Variants in NARS2 observed in about 807,000 individuals in gnomAD.
NARS2 encodes asparaginyl-tRNA synthetase 2, mitochondrial.
A neutral mutation model predicts 62.9 loss-of-function variants in NARS2; 60 were observed. That is an observed-to-expected ratio of 0.95 (90% confidence interval 0.77 to 1.18). The LOEUF (loss-of-function observed/expected upper bound fraction) is 1.18. NARS2 is among the 50% of genes most tolerant of loss of function. NARS2 has a pLI of 0.00. For missense variants in NARS2, 619 were observed against 576.4 expected, an observed-to-expected ratio of 1.07 and a Z score of -0.76; for synonymous variants, 196 against 200.0, an observed-to-expected ratio of 0.98 and a Z score of 0.17.
intron 11 of NARS2, among the ~76,000 whole-genome samples, chr11:78,449,994 T>G (rs754185197): frequency 6.6e-5 from 10 of 152,356 alleles, no homozygotes; most frequent in Middle Eastern, 3.4e-3. Context: ...AAAAAGATCA[T>G]GTATGACTAT....
intron 5 of NARS2, among the ~76,000 whole-genome samples, chr11:78,554,557 C>T (rs1198635735): frequency 7.9e-6 from 1 of 126,704 alleles, no homozygotes; most frequent in Non-Finnish European, 1.8e-5. Context: ...TGACTTTCTG[C>T]TTTGGCTCTC....
At chr11:78,515,306 A>G (rs1366831168) in intron 6 of NARS2, among the ~76,000 whole-genome samples, 1 of 152,152 alleles carries the variant, frequency 6.6e-6, no homozygotes, top group Non-Finnish European at 1.5e-5. Context: ...TCTCAGCATC[A>G]GCATCACCTG....
At chr11:78,496,904 T>G (rs1860081557) in intron 6 of NARS2, among the ~76,000 whole-genome samples, 1 of 151,490 alleles carries the variant, frequency 6.6e-6, no homozygotes, top group African/African-American at 2.4e-5. Context: ...TTAATTTATG[T>G]TTCTTTCTTT....
chr11:78,557,814 TATA>T (rs1290132870), intron 5 of NARS2, among the ~76,000 whole-genome samples: 1 of 147,542 alleles, frequency 6.8e-6, no homozygotes, highest in African/African-American at 2.5e-5. Flanking sequence ...ATATATATCT[TATA>T]TTATATATAT....
chr11:78,471,264 T>C (rs1398147918), intron 9 of NARS2, among the ~76,000 whole-genome samples: 2 of 152,274 alleles, frequency 1.3e-5, no homozygotes, highest in East Asian at 1.9e-4. Flanking sequence ...TGTAAGTAAA[T>C]AGTAAATCTT....
chr11:78,527,615 G>A (rs1361843264), intron 6 of NARS2, among the ~76,000 whole-genome samples: 1 of 152,146 alleles, frequency 6.6e-6, no homozygotes, highest in Non-Finnish European at 1.5e-5. Context: ...AAGTAAATAT[G>A]CAAACTATTC....
intron 5 of NARS2, among the ~76,000 whole-genome samples, chr11:78,553,829 T>C (rs1005362087): frequency 6.6e-6 from 1 of 152,154 alleles, no homozygotes; most frequent in Non-Finnish European, 1.5e-5. Context: ...TCTGCCAGGA[T>C]GGTATTGCCT....
intron 6 of NARS2, among the ~76,000 whole-genome samples, chr11:78,516,313 T>C (rs1860909434): frequency 6.6e-6 from 1 of 152,248 alleles, no homozygotes; most frequent in Non-Finnish European, 1.5e-5. Context: ...ACTGGATTTC[T>C]GTTTGTCCAA....
At chr11:78,521,275 T>C (rs1238607281) in intron 6 of NARS2, among the ~76,000 whole-genome samples, 1 of 151,854 alleles carries the variant, frequency 6.6e-6, no homozygotes, top group African/African-American at 2.4e-5. Context: ...AGCAATCTTC[T>C]TGCCTTACTC....
chr11:78,560,697 C>CACA lies in NARS2; in HGVS notation c.514-1079_514-1078insTGT, dbSNP rs1856528744. ...ACAAAGTATTCAGTCAACAACTTGC[C>CACA]TTATGATGTGGACTGATTAAATATT... is the stretch of plus-strand genomic sequence containing the variant. On this transcript the variant is annotated intron_variant, in intron 4 of 13. Coordinates refer to ENST00000281038, the MANE Select transcript of NARS2 (RefSeq NM_024678.6). Among the ~76,000 whole-genome samples, 9 of 152,264 alleles carry CACA rather than the reference C, an allele frequency of 5.9e-5. No individual in the cohort carries two copies. In the South Asian group the frequency reaches 1.9e-3, roughly 32 times the overall value.
rs1195663112 is a variant in NARS2, at chr11:78,481,868, T to C, written c.823-3185A>G. Reference sequence around the variant, plus strand: ...TTACTTTTGGGGACAGCACACTTTTTTCTAGTCTTCAGGAAAAAAGTGTAT... The same window carrying C: ...TTACTTTTGGGGACAGCACACTTTTCTCTAGTCTTCAGGAAAAAAGTGTAT... On this transcript the variant is annotated intron_variant, in intron 7 of 13. Transcript: ENST00000281038. Among the ~76,000 whole-genome samples, 3 of 152,206 alleles carry C rather than the reference T, an allele frequency of 2.0e-5. No individual in the cohort carries two copies. The South Asian group carries it at 6.2e-4, about 32-fold the overall frequency.
At chr11:78,510,596 C>T (rs1004702933) in intron 6 of NARS2, among the ~76,000 whole-genome samples, 6 of 151,950 alleles carry the variant, frequency 3.9e-5, no homozygotes, top group African/African-American at 1.4e-4. Flanking sequence ...ACAATAAAAC[C>T]AGATCTAACA....
intron 9 of NARS2, among the ~76,000 whole-genome samples, chr11:78,470,164 A>C (rs558882135): frequency 6.6e-6 from 1 of 152,344 alleles, no homozygotes; most frequent in East Asian, 1.9e-4. Flanking sequence ...TTCAGGTCAT[A>C]GTAAGGGCCT....
At chr11:78,515,700 C>A (rs1002515956) in intron 6 of NARS2, among the ~76,000 whole-genome samples, 130 of 150,262 alleles carry the variant, frequency 8.7e-4, no homozygotes, top group Admixed American at 5.2e-3. Flanking sequence ...AAAAAAAAAA[C>A]AAAACAATTT....
At chr11:78,564,455 T>C (rs1856671548) in intron 4 of NARS2, among the ~76,000 whole-genome samples, 1 of 152,200 alleles carries the variant, frequency 6.6e-6, no homozygotes, top group African/African-American at 2.4e-5. Flanking sequence ...CCTCCCCAAG[T>C]GCTGGGATTA....
intron 7 of NARS2, among the ~76,000 whole-genome samples, chr11:78,491,305 C>G (rs561331348): frequency 6.6e-6 from 1 of 152,288 alleles, no homozygotes; most frequent in South Asian, 2.1e-4. Context: ...TAGGGATAAC[C>G]AAAAATGTCC....
intron 3 of NARS2, among the ~76,000 whole-genome samples, chr11:78,567,903 G>T (rs1459055537): frequency 1.3e-5 from 2 of 152,110 alleles, no homozygotes; most frequent in Non-Finnish European, 2.9e-5. Flanking sequence ...ATAATGTTAA[G>T]CAAATCACTT....
At chr11:78,456,955 G>A (rs2135181471) in intron 11 of NARS2, among the ~76,000 whole-genome samples, 1 of 152,292 alleles carries the variant, frequency 6.6e-6, no homozygotes, top group South Asian at 2.1e-4. Context: ...TGCATATGAA[G>A]AAAAACTTAG....
intron 11 of NARS2, among the ~76,000 whole-genome samples, chr11:78,446,950 A>C (rs928549933): frequency 6.6e-5 from 10 of 152,112 alleles, no homozygotes; most frequent in African/African-American, 2.2e-4. Flanking sequence ...TACATCTTAT[A>C]AGGGGTTAAT....
Sources: allele counts gnomAD v4.1 joint callset (sites outside exome capture counted in the v4.1 genomes callset), GRCh38; gene constraint gnomAD v4.1.1; transcripts MANE v1.5; gene names NCBI Gene and HGNC (gene_info 2026-07-23, HGNC 2026-07-21).